PTPRG: variants seen among roughly 807,000 people sequenced by gnomAD.
The protein encoded by PTPRG is protein tyrosine phosphatase receptor type G.
A neutral mutation model predicts 165.3 loss-of-function variants in PTPRG; 102 were observed. The observed-to-expected ratio is 0.62, with a 90% CI of 0.53 to 0.73. The LOEUF (loss-of-function observed/expected upper bound fraction) is 0.73. PTPRG is among the 30% of genes least tolerant of loss of function. The pLI is 0.00. For missense variants in PTPRG, 1,866 were observed against 1,861.4 expected (o/e 1.00, Z -0.05); for synonymous variants, 675 against 669.5 (o/e 1.01, Z -0.13).
chr3:61,961,564 A>G (rs1162681228), intron 2 of PTPRG, among the ~76,000 whole-genome samples: 1 of 152,210 alleles, frequency 6.6e-6, no homozygotes, highest in Admixed American at 6.5e-5. Flanking sequence ...AAGATCAGAT[A>G]TTCCTTGTCT....
chr3:61,569,397 G>A (rs1437415638), intron 1 of PTPRG, among the ~76,000 whole-genome samples: 1 of 152,156 alleles, frequency 6.6e-6, no homozygotes, highest in Non-Finnish European at 1.5e-5. Context: ...TCTTTGTGAG[G>A]CTTGAATGAG....
intron 1 of PTPRG, among the ~76,000 whole-genome samples, chr3:61,656,049 C>A (rs1053383911): frequency 1.3e-5 from 2 of 150,602 alleles, no homozygotes; most frequent in Admixed American, 6.6e-5. Context: ...ACCCCCCCCC[C>A]CCCGACCATC....
At chr3:62,075,870 A>G (rs953567905) in intron 4 of PTPRG, among the ~76,000 whole-genome samples, 2 of 152,190 alleles carry the variant, frequency 1.3e-5, no homozygotes, top group Non-Finnish European at 2.9e-5. Flanking sequence ...AACTAATTAT[A>G]TAGAAGATAC....
Position 62,273,014 on chromosome 3 carries a change from G to A in PTPRG, c.3251G>A (p.Ser1084Asn), listed in dbSNP as rs1702115853. Residue 1084 changes from serine (S) to asparagine (N), a missense_variant, in exon 22 of 30, where the codon AGC (serine) becomes AAC (asparagine). Around this residue, in one of 3 missense-constraint regions of PTPRG, gnomAD observed 1,452 missense variants for 1,463.0 expected, o/e 0.99. Transcript: ENST00000474889. This position sits in a 1 kb window ranked among gnomAD's most constrained non-coding sequence, Gnocchi z 4.1. ...ATGCTGCAACAGATAAAAGACAAAA[G>A]CACAGTTAACGTCCTGGGATTCCTG... ...DSMLQQIKDK[S>N]TVNVLGFLKH... 1 of 1,613,778 alleles carries A rather than the reference G, an allele frequency of 6.2e-7. No individual in the cohort carries two copies. The highest frequency in any genetic ancestry group is 8.5e-7 in the Non-Finnish European group (1 of 1,179,822).
In PTPRG at chr3:61,890,152, AG is replaced by A. The variant is rs201862089; in HGVS notation, c.191-99471del. Among the ~76,000 whole-genome samples, 704 of 152,336 alleles carry A rather than the reference AG, an allele frequency of 4.6e-3. 15 individuals are homozygous for A. In the East Asian group the frequency reaches 0.064, roughly 14 times the overall value. On this transcript the variant is annotated intron_variant, in intron 2 of 29. Transcript: ENST00000474889. ...AAGTGTGATTCATTTTGCAGTCTGA[AG>A]GTCAGACTTGAAACTCAATTATTAT...
chr3:61,605,145 T>C (rs1207221170), intron 1 of PTPRG, among the ~76,000 whole-genome samples: 1 of 152,204 alleles, frequency 6.6e-6, no homozygotes, highest in East Asian at 1.9e-4. Context: ...CACGCGTCTG[T>C]TTATTTTCTC....
intron 12 of PTPRG, among the ~76,000 whole-genome samples, chr3:62,206,541 C>A (rs898668405): frequency 7.2e-5 from 11 of 152,158 alleles, no homozygotes; most frequent in African/African-American, 2.7e-4. Flanking sequence ...AGGTGCCACA[C>A]AATGATGGTG....
At chr3:62,249,439 T>C (rs1262133200) in intron 15 of PTPRG, among the ~76,000 whole-genome samples, 1 of 152,070 alleles carries the variant, frequency 6.6e-6, no homozygotes, top group African/African-American at 2.4e-5. Context: ...GCTGCACTGA[T>C]TTGACCCAAG....
At chr3:61,990,519 C>T (rs899703571) in intron 3 of PTPRG, among the ~76,000 whole-genome samples, 1 of 152,216 alleles carries the variant, frequency 6.6e-6, no homozygotes, top group Non-Finnish European at 1.5e-5. Flanking sequence ...GCCTCCCTCT[C>T]AATTACTGTT....
intron 2 of PTPRG, among the ~76,000 whole-genome samples, chr3:61,920,227 C>G (rs1333040328): frequency 1.3e-5 from 2 of 152,200 alleles, no homozygotes; most frequent in African/African-American, 4.8e-5. Flanking sequence ...TCTCCAACCT[C>G]AAGACAGTCC....
chr3:62,103,189 A>G (rs531650987), intron 5 of PTPRG, among the ~76,000 whole-genome samples: 22 of 150,318 alleles, frequency 1.5e-4, no homozygotes, highest in East Asian at 3.9e-4. Flanking sequence ...GGAACATTCA[A>G]CCTCAAGACT....
intron 2 of PTPRG, among the ~76,000 whole-genome samples, chr3:61,980,829 C>G (rs781737610): frequency 3.0e-4 from 45 of 152,300 alleles, no homozygotes; most frequent in Non-Finnish European, 6.0e-4. Flanking sequence ...TGGCCTTCAG[C>G]TGCTTCCCTC....
At chr3:61,692,110 C>T (rs572478534) in intron 1 of PTPRG, among the ~76,000 whole-genome samples, 12 of 152,328 alleles carry the variant, frequency 7.9e-5, no homozygotes, top group South Asian at 2.1e-4. Flanking sequence ...TCTGCTCCTA[C>T]GCAGAGTTTT....
chr3:61,797,353 A>T (rs1285006995), intron 2 of PTPRG, among the ~76,000 whole-genome samples: 1 of 152,200 alleles, frequency 6.6e-6, no homozygotes, highest in African/African-American at 2.4e-5. Flanking sequence ...GATTGGGCTG[A>T]GTCTTAAAAT....
At chr3:61,873,414 A>G (rs1198567706) in intron 2 of PTPRG, among the ~76,000 whole-genome samples, 1 of 152,220 alleles carries the variant, frequency 6.6e-6, no homozygotes, top group East Asian at 1.9e-4. Context: ...AAAATATGAA[A>G]TCATATTTTA....
intron 2 of PTPRG, among the ~76,000 whole-genome samples, chr3:61,951,280 T>G (rs914296354): frequency 2.2e-4 from 34 of 152,224 alleles, no homozygotes; most frequent in Admixed American, 1.4e-3. Flanking sequence ...CTGAAACTAT[T>G]TAGAAAGTGT....
chr3:62,209,602 C>T (rs78486052), intron 12 of PTPRG, among the ~76,000 whole-genome samples: 1 of 152,112 alleles, frequency 6.6e-6, no homozygotes, highest in African/African-American at 2.4e-5. Context: ...TAGTTTTGCT[C>T]GTCAGGTTTC....
At chr3:61,840,637 TGGGTGGGTA>T (rs1053377323) in intron 2 of PTPRG, among the ~76,000 whole-genome samples, 17 of 152,224 alleles carry the variant, frequency 1.1e-4, no homozygotes, top group African/African-American at 3.9e-4. Context: ...GGGCACTCTG[TGGGTGGGTA>T]CATGGGACAG....
intron 2 of PTPRG, among the ~76,000 whole-genome samples, chr3:61,773,860 C>T (rs567508551): frequency 3.3e-5 from 5 of 152,046 alleles, no homozygotes; most frequent in Admixed American, 6.5e-5. Flanking sequence ...CCACAACCTC[C>T]GTCCCCCGTG....
Sources: gnomAD v4.1 joint callset for allele counts (sites outside exome capture counted in the v4.1 genomes callset) on GRCh38, gnomAD v4.1.1 for gene constraint, gnomAD v4.1.1 regional missense constraint, Gnocchi (gnomAD v3.1) non-coding constraint, MANE v1.5 for transcripts, NCBI Gene and HGNC (gene_info 2026-07-23, HGNC 2026-07-21) for gene names.